Variants in ZNF469 observed in about 807,000 individuals in gnomAD.
ZNF469 encodes the protein zinc finger protein 469.
In ZNF469, 1 loss-of-function variant was observed where a neutral mutation model predicts 1.0. That is an observed-to-expected ratio of 1.00 (90% CI 0.35 to 4.73). The LOEUF (loss-of-function observed/expected upper bound fraction) is 4.73. Among genes scored for constraint, ZNF469 ranks in the 30% most tolerant of loss-of-function variants. The probability of loss-of-function intolerance (pLI) is 0.16; values close to 1 mark genes in which losing one functional copy is unlikely to be tolerated. For synonymous variants in ZNF469, 2,703 were observed against 2,363.4 expected (o/e 1.14, Z -4.17); for missense variants, 6,100 against 5,356.3 (o/e 1.14, Z -4.33).
chr16:88,153,899 G>A, the ZNF469 span, among the ~76,000 whole-genome samples: 3 of 152,186 alleles, frequency 2.0e-5, no homozygotes, highest in East Asian at 1.9e-4. Flanking sequence ...AGGGGGCACC[G>A]GCCCCAGTGG....
the ZNF469 span, among the ~76,000 whole-genome samples, chr16:88,183,092 C>G: frequency 2.6e-4 from 39 of 152,168 alleles, no homozygotes; most frequent in Admixed American, 7.2e-4. Context: ...GGAAATAACC[C>G]ATGAAATAAT....
chr16:88,429,548 A>G lies in ZNF469; in HGVS notation c.2078A>G (p.Glu693Gly). The G allele has an allele frequency of 6.5e-7, 1 of 1,549,984 alleles. No homozygotes were observed. Among genetic ancestry groups the G allele is most frequent in the Non-Finnish European group, 8.7e-7 (1 of 1,146,816 alleles). Residue 693 changes from glutamate to glycine, a missense_variant, in exon 3 of 3, where the codon GAG becomes GGG. Glu to Gly is a moderately conservative substitution (Grantham distance 98). Transcript: ENST00000565624. Reference protein sequence around the residue: ...QCLEETPFPHEGPEVGRGGLQ... With the variant: ...QCLEETPFPHGGPEVGRGGLQ... ...CTGGAGGAGACCCCATTCCCCCACGAGGGCCCCGAGGTGGGTCGGGGAGGG... is the reference window on the plus strand; with the variant it reads ...CTGGAGGAGACCCCATTCCCCCACGGGGGCCCCGAGGTGGGTCGGGGAGGG...
chr16:88,140,986 T>C, the ZNF469 span, among the ~76,000 whole-genome samples: 1 of 152,080 alleles, frequency 6.6e-6, no homozygotes, highest in African/African-American at 2.4e-5. Flanking sequence ...TATGGCCCTT[T>C]ACAAGAGAAT....
At chr16:88,184,622 C>G in the ZNF469 span, among the ~76,000 whole-genome samples, 1 of 151,998 alleles carries the variant, frequency 6.6e-6, no homozygotes, top group African/African-American at 2.4e-5. Flanking sequence ...CTGCAGAGTT[C>G]TGGAGCTGTG....
chr16:88,431,393 C>T lies in ZNF469; in HGVS notation c.3923C>T (p.Thr1308Ile), dbSNP rs956731809. 1.1e-5 allele frequency: 17 copies of T among 1,550,092 alleles called. No homozygotes were observed. Among genetic ancestry groups the T allele is most frequent in the South Asian group, 3.6e-5 (3 of 84,070 alleles). ...AGCCTGCTGGGTGGTCCTGGGGGCA[C>T]ACAGGCCCCAGTCTCCCACAACAGC... ...VGSLLGGPGG[T>I]QAPVSHNSKD... Residue 1308 changes from threonine to isoleucine, a missense_variant, in exon 3 of 3, where the codon ACA becomes ATA. Coordinates refer to ENST00000565624, the MANE Select transcript of ZNF469 (RefSeq NM_001367624.2).
At position 88,424,612 on chromosome 16, in the gene ZNF469, G is replaced by A. The variant is rs1003482401; in HGVS notation, c.-191-195G>A. Among the ~76,000 whole-genome samples the A allele has an allele frequency of 3.3e-5, 5 of 152,004 alleles. No homozygotes were observed. Among genetic ancestry groups the A allele is most frequent in the Admixed American group, 6.6e-5 (1 of 15,258 alleles). ...ACCCCTAAACCCTTCAGGGTCCCCC[G>A]GGCCAGCTGAGCTGCCCGCTGGCCT... On this transcript the variant is annotated intron_variant, in intron 1 of 2. Transcript: ENST00000565624. The surrounding 1 kb of genome is among the most constrained non-coding windows in gnomAD (Gnocchi z 4.3).
intron 1 of ZNF469, among the ~76,000 whole-genome samples, chr16:88,405,325 T>C (rs1220672974): frequency 6.6e-6 from 1 of 152,142 alleles, no homozygotes; most frequent in Non-Finnish European, 1.5e-5. Flanking sequence ...CACCACTGTT[T>C]TTAAAATATT....
chr16:88,225,281 C>A, the ZNF469 span, among the ~76,000 whole-genome samples: 1 of 152,232 alleles, frequency 6.6e-6, no homozygotes, highest in Non-Finnish European at 1.5e-5. Flanking sequence ...TCTGATTTCC[C>A]GATGTGGCTG....
the ZNF469 span, among the ~76,000 whole-genome samples, chr16:88,133,306 G>A: frequency 2.0e-5 from 3 of 152,192 alleles, no homozygotes; most frequent in African/African-American, 7.2e-5. Flanking sequence ...TGGCGATCCC[G>A]CACATTCCCA....
the ZNF469 span, among the ~76,000 whole-genome samples, chr16:88,364,071 A>T: frequency 2.0e-5 from 3 of 152,180 alleles, no homozygotes; most frequent in African/African-American, 7.2e-5. Context: ...AAGACCACAG[A>T]TATATTTTTT....
the ZNF469 span, among the ~76,000 whole-genome samples, chr16:88,115,821 C>G: frequency 1.3e-5 from 2 of 152,222 alleles, no homozygotes; most frequent in Non-Finnish European, 2.9e-5. Flanking sequence ...CTGGGCCCTT[C>G]CAGCCTCTCC....
chr16:88,403,363 G>A (rs1457099044), intron 1 of ZNF469, among the ~76,000 whole-genome samples: 1 of 152,242 alleles, frequency 6.6e-6, no homozygotes, highest in African/African-American at 2.4e-5. Context: ...GTGGCTCTGG[G>A]TTCCGTCTCG....
At chr16:88,255,905 G>A in the ZNF469 span, among the ~76,000 whole-genome samples, 7 of 152,186 alleles carry the variant, frequency 4.6e-5, no homozygotes, top group African/African-American at 1.7e-4. Context: ...GTTACGGAAG[G>A]GTTTGTCTTA....
chr16:88,121,750 C>T, the ZNF469 span, among the ~76,000 whole-genome samples: 2 of 152,228 alleles, frequency 1.3e-5, no homozygotes, highest in African/African-American at 4.8e-5. Flanking sequence ...GGCCGCACTG[C>T]AGAGTTCTGA....
chr16:88,204,677 C>T, the ZNF469 span, among the ~76,000 whole-genome samples: 1 of 152,220 alleles, frequency 6.6e-6, no homozygotes, highest in South Asian at 2.1e-4. Context: ...GGCACCCACA[C>T]AGCCAGGGTG....
chr16:88,388,039 G>T (rs1051435388), intron 1 of ZNF469, among the ~76,000 whole-genome samples: 1 of 152,266 alleles, frequency 6.6e-6, no homozygotes, highest in Admixed American at 6.5e-5. Flanking sequence ...TACCAAGTGG[G>T]GTGCACAGCA....
the ZNF469 span, among the ~76,000 whole-genome samples, chr16:88,275,782 G>A: frequency 6.6e-6 from 1 of 152,202 alleles, no homozygotes. Flanking sequence ...GGGGCTGGCA[G>A]CGTGGTCCTG....
the ZNF469 span, among the ~76,000 whole-genome samples, chr16:88,236,798 C>T: frequency 1.3e-5 from 2 of 151,056 alleles, no homozygotes; most frequent in African/African-American, 4.9e-5. Context: ...ACCTGGGAGG[C>T]GGAGGTTGCT....
At chr16:88,363,495 T>C in the ZNF469 span, among the ~76,000 whole-genome samples, 1 of 152,244 alleles carries the variant, frequency 6.6e-6, no homozygotes, top group Non-Finnish European at 1.5e-5. Flanking sequence ...GCCTGGGGTC[T>C]ACCCCATGCA....
Sources: allele counts gnomAD v4.1 joint callset (sites outside exome capture counted in the v4.1 genomes callset), GRCh38; gene constraint gnomAD v4.1.1; non-coding constraint Gnocchi (gnomAD v3.1); transcripts MANE v1.5; gene names NCBI Gene and HGNC (gene_info 2026-07-23, HGNC 2026-07-21).